PRMT1: variants seen among roughly 807,000 people sequenced by gnomAD.
PRMT1 encodes the protein protein arginine methyltransferase 1, also known as protein arginine N-methyltransferase 1.
In PRMT1, 5 loss-of-function variants were observed where a neutral mutation model predicts 47.4. That is an observed-to-expected ratio of 0.11 (90% confidence interval 0.06 to 0.22). The LOEUF (loss-of-function observed/expected upper bound fraction) is 0.22. PRMT1 is among the 10% of genes least tolerant of loss of function. The pLI, the probability that PRMT1 is intolerant of heterozygous loss-of-function variation, is 1.00. For missense variants in PRMT1, 249 were observed against 518.4 expected, an observed-to-expected ratio of 0.48 and a Z score of 5.05; for synonymous variants, 227 against 204.6, an observed-to-expected ratio of 1.11 and a Z score of -0.94.
chr19:49,683,222 G>A (rs2082146800), intron 5 of PRMT1, among the ~76,000 whole-genome samples: 1 of 151,782 alleles, frequency 6.6e-6, no homozygotes, highest in African/African-American at 2.4e-5. Flanking sequence ...CCATCCTGAA[G>A]TGATTTTTAA....
chr19:49,687,969 T>TGGG, intron 10 of PRMT1, 193 bp from the exon 11 acceptor site: 1 of 634,752 alleles, frequency 1.6e-6, no homozygotes, highest in Admixed American at 2.3e-5. Context: ...CTAGTGGGCT[T>TGGG]GGGGGTGTCC....
In PRMT1 at chr19:49,684,108, G is replaced by A. The variant is rs745396521; in HGVS notation, c.555+39G>A. 1.6e-5 allele frequency: 25 copies of A among 1,611,340 alleles called. No individual in the cohort carries two copies. In the East Asian group the frequency reaches 2.2e-4, roughly 14 times the overall value. ...GGGACGGGTGCAGCTCGCGTGGGCT[G>A]GGGTCCAGGTAGAAGACGAAAACCA... On this transcript the variant is annotated intron_variant, in intron 6 of 10. Transcript: ENST00000454376. This position sits in a 1 kb window ranked among gnomAD's most constrained non-coding sequence, Gnocchi z 6.2.
chr19:49,684,605 C>T lies in PRMT1; in HGVS notation c.556-149C>T, dbSNP rs1023504094. ...GTGCCCCTGGGTGCCCTCTGGCGGCCGTGTGGGAAATAGACCAGGGGGCGA... is the reference window on the plus strand; with the variant it reads ...GTGCCCCTGGGTGCCCTCTGGCGGCTGTGTGGGAAATAGACCAGGGGGCGA... On this transcript the variant is annotated intron_variant, in intron 6 of 10. Transcript: ENST00000454376. The surrounding 1 kb of genome is among the most constrained non-coding windows in gnomAD (Gnocchi z 6.2). 23 of 938,156 alleles carry T rather than the reference C, an allele frequency of 2.5e-5. No individual in the cohort carries two copies. Among genetic ancestry groups the T allele is most frequent in the South Asian group, 2.3e-4 (15 of 63,878 alleles). 58.1% of individuals were successfully genotyped at this position (938,156 alleles called of 1,614,324 possible).
In PRMT1 at chr19:49,680,055, G is replaced by A. The variant is rs2082092832; in HGVS notation, c.90+130G>A. On this transcript the variant is annotated intron_variant, in intron 2 of 10. Transcript: ENST00000454376. This position sits in a 1 kb window ranked among gnomAD's most constrained non-coding sequence, Gnocchi z 4.2. The stretch of plus-strand genomic sequence containing the variant: ...CAAACCAGTTTACCCCAGGCCCCCA[G>A]ACACTTAGTAGCAACCCCTCCAGGT... 8.5e-7 allele frequency: 1 copy of A among 1,176,586 alleles called. No individual in the cohort carries two copies. Among genetic ancestry groups the A allele is most frequent in the Non-Finnish European group, 1.2e-6 (1 of 810,006 alleles). 72.9% of individuals were successfully genotyped at this position (1,176,586 alleles called of 1,614,324 possible).
intron 5 of PRMT1, among the ~76,000 whole-genome samples, chr19:49,682,496 C>G (rs1373342888): frequency 6.6e-6 from 1 of 152,204 alleles, no homozygotes; most frequent in African/African-American, 2.4e-5. Flanking sequence ...GTAATAGAGT[C>G]ACGTGGTTGG....
Position 49,677,330 on chromosome 19 carries a change from G to T in PRMT1, c.36+14G>T. 2 of 1,393,132 alleles carry T rather than the reference G, an allele frequency of 1.4e-6. No individual in the cohort carries two copies. Among genetic ancestry groups the T allele is most frequent in the South Asian group, 3.4e-5 (2 of 59,066 alleles). 86.3% of individuals were successfully genotyped at this position (1,393,132 alleles called of 1,614,324 possible). The stretch of plus-strand genomic sequence containing the variant: ...TGCATCATGGAGGTGAGCGCTTGGA[G>T]CGCCGCCGTGGGCGGGAGGCGGCTT... On this transcript the variant is annotated intron_variant, in intron 1 of 10. Coordinates refer to ENST00000454376, the MANE Select transcript of PRMT1 (RefSeq NM_001536.6).
In PRMT1 at chr19:49,684,146, C is replaced by T; in HGVS notation, c.555+77C>T. ...AAGACGAAAACCACGCTCAATTTTT[C>T]CCACAGACGGGACTTACTGTGGGGG... is the stretch of plus-strand genomic sequence containing the variant. On this transcript the variant is annotated intron_variant, in intron 6 of 10. Coordinates refer to ENST00000454376, the MANE Select transcript of PRMT1 (RefSeq NM_001536.6). The surrounding 1 kb of genome is among the most constrained non-coding windows in gnomAD (Gnocchi z 6.2). 1 of 1,575,106 alleles carries T rather than the reference C, an allele frequency of 6.3e-7. No homozygotes were observed. The highest frequency in any genetic ancestry group is 8.7e-7 in the Non-Finnish European group (1 of 1,152,854).
rs1423550043 is a variant in PRMT1 at position 49,680,380 on chromosome 19, T to C, written c.91-107T>C. On this transcript the variant is annotated intron_variant, in intron 2 of 10. Transcript: ENST00000454376. The surrounding 1 kb of genome is among the most constrained non-coding windows in gnomAD (Gnocchi z 4.2). Reference sequence around the variant, plus strand: ...GGGCTGTAGGGTTGTCATGGTATGATTTTGGGGGTTCTATACTACTCTTCA... The same window carrying C: ...GGGCTGTAGGGTTGTCATGGTATGACTTTGGGGGTTCTATACTACTCTTCA... The C allele has an allele frequency of 8.8e-7, 1 of 1,133,194 alleles. No individual in the cohort carries two copies. Among genetic ancestry groups the C allele is most frequent in the Non-Finnish European group, 1.3e-6 (1 of 757,598 alleles). 70.2% of individuals were successfully genotyped at this position (1,133,194 alleles called of 1,614,324 possible). A position where few individuals can be genotyped will look rare whatever the true frequency, so the allele number is the denominator to read the frequency against.
rs896969963 is a variant in PRMT1, at chr19:49,680,337, G to A, written c.91-150G>A. On this transcript the variant is annotated intron_variant, in intron 2 of 10. Coordinates refer to ENST00000454376, the MANE Select transcript of PRMT1 (RefSeq NM_001536.6). This position sits in a 1 kb window ranked among gnomAD's most constrained non-coding sequence, Gnocchi z 4.2. ...TTGTTAGGTTTTGGGGTTCCTGGGGGGGCAAGATGGCAGGCGGGGGCTGTA... is the reference window on the plus strand; with the variant it reads ...TTGTTAGGTTTTGGGGTTCCTGGGGAGGCAAGATGGCAGGCGGGGGCTGTA... The A allele has an allele frequency of 3.0e-5, 33 of 1,097,914 alleles. No homozygotes were observed. The African/African-American group carries it at 4.8e-4, about 16-fold the overall frequency. The allele number at this position is 1,097,914 out of a possible 1,614,324, so 68.0% of individuals were successfully genotyped here.
rs969602485 is a variant in PRMT1, at chr19:49,681,294, C to T, written c.193-616C>T. ...AAACTCTTGGGATCAAGTGATCCTC[C>T]GGCTTTGGCCTCCTGAGGTGCTGGG... On this transcript the variant is annotated intron_variant, in intron 3 of 10. Coordinates refer to ENST00000454376, the MANE Select transcript of PRMT1 (RefSeq NM_001536.6). The surrounding 1 kb of genome is among the most constrained non-coding windows in gnomAD (Gnocchi z 4.4). Among the ~76,000 whole-genome samples the T allele has an allele frequency of 2.6e-5, 4 of 152,208 alleles. No homozygotes were observed. The highest frequency in any genetic ancestry group is 6.5e-5 in the Admixed American group (1 of 15,280).
In PRMT1 at chr19:49,682,072, C is replaced by A; in HGVS notation, c.348+7C>A. The A allele has an allele frequency of 6.2e-7, 1 of 1,613,982 alleles. No individual in the cohort carries two copies. The highest frequency in any genetic ancestry group is 1.1e-5 in the South Asian group (1 of 91,064). ...GGCCCGCAAGGTCATCGGGGTGAGT[C>A]TCCAGGGTGGCCAGGCGGGGCCGGG... is the stretch of plus-strand genomic sequence containing the variant. On this transcript the variant is annotated splice_region_variant and intron_variant, in intron 4 of 10. Transcript: ENST00000454376.
intron 1 of PRMT1, among the ~76,000 whole-genome samples, chr19:49,678,882 CT>C (rs777584653): frequency 0.04 from 5,312 of 132,730 alleles, 219 homozygotes; most frequent in East Asian, 0.12. Flanking sequence ...CCCCAAGCCA[CT>C]TTTTTTTTTT....
intron 5 of PRMT1, among the ~76,000 whole-genome samples, chr19:49,682,530 GC>G (rs1484492900): frequency 6.6e-6 from 1 of 152,182 alleles, no homozygotes; most frequent in Non-Finnish European, 1.5e-5. Context: ...ACAGTGAGAA[GC>G]CTTCCCTGTT....
In PRMT1 at chr19:49,682,186, G is replaced by T; in HGVS notation, c.349-10G>T. 6.2e-7 allele frequency: 1 copy of T among 1,614,136 alleles called. No individual in the cohort carries two copies. Among genetic ancestry groups the T allele is most frequent in the African/African-American group, 1.3e-5 (1 of 75,050 alleles). On this transcript the variant is annotated splice_polypyrimidine_tract_variant and intron_variant, in intron 4 of 10. Transcript: ENST00000454376. ...ATGGGTCTCACCCTCCCTTCTTCCT[G>T]GGCCCTCAGATCGAGTGTTCCAGTA...
At position 49,684,944 on chromosome 19, in the gene PRMT1, C is replaced by T. The variant is rs541813182; in HGVS notation, c.666C>T (p.Phe222=). ...CAGGGTGGGAGAACGTGTATGGCTTCGACATGTCTTGCATCAAAGATGTGG... is the reference window on the plus strand; with the variant it reads ...CAGGGTGGGAGAACGTGTATGGCTTTGACATGTCTTGCATCAAAGATGTGG... ...KIHWWENVYG[F]DMSCIKDVAI... Residue 222 remains phenylalanine, a synonymous_variant, in exon 8 of 11, where the codon TTC becomes TTT. Transcript: ENST00000454376. This position sits in a 1 kb window ranked among gnomAD's most constrained non-coding sequence, Gnocchi z 6.2. 96 of 1,600,106 alleles carry T rather than the reference C, an allele frequency of 6.0e-5. No homozygotes were observed. Among genetic ancestry groups the T allele is most frequent in the South Asian group, 7.8e-5 (7 of 89,944 alleles).
intron 10 of PRMT1, among the ~76,000 whole-genome samples, chr19:49,687,650 A>G (rs1485720874): frequency 6.6e-6 from 1 of 152,028 alleles, no homozygotes; most frequent in Non-Finnish European, 1.5e-5. Flanking sequence ...CACCCCCTAC[A>G]AAGACTCATG....
chr19:49,679,083 C>T (rs957157843), intron 1 of PRMT1, among the ~76,000 whole-genome samples: 4 of 152,050 alleles, frequency 2.6e-5, no homozygotes, highest in African/African-American at 9.7e-5. Flanking sequence ...AGGGTTTCAC[C>T]ATGTTGGTCA....
At chr19:49,687,240 T>C (rs1206421888) in intron 10 of PRMT1, among the ~76,000 whole-genome samples, 1 of 151,544 alleles carries the variant, frequency 6.6e-6, no homozygotes, top group Non-Finnish European at 1.5e-5. Context: ...TGCCATCACC[T>C]GAGATCAGGG....
intron 5 of PRMT1, among the ~76,000 whole-genome samples, chr19:49,682,948 G>T (rs1291022425): frequency 6.6e-6 from 1 of 151,888 alleles, no homozygotes; most frequent in Non-Finnish European, 1.5e-5. Flanking sequence ...ACCACGCCCG[G>T]CTAATTTTTT....
Sources: gnomAD v4.1 joint callset for allele counts (sites outside exome capture counted in the v4.1 genomes callset) on GRCh38, gnomAD v4.1.1 for gene constraint, Gnocchi (gnomAD v3.1) non-coding constraint, MANE v1.5 for transcripts, NCBI Gene and HGNC (gene_info 2026-07-23, HGNC 2026-07-21) for gene names.